ANKRD30B: variants seen among roughly 807,000 people sequenced by gnomAD.
The protein encoded by ANKRD30B is ankyrin repeat domain 30B.
ANKRD30B carries 144 observed loss-of-function variants against 202.2 expected under a neutral mutation model. That is an observed-to-expected ratio of 0.71 (90% CI 0.62 to 0.82). The LOEUF (loss-of-function observed/expected upper bound fraction) is 0.82. Among genes scored for constraint, ANKRD30B ranks in the 40% least tolerant of loss-of-function variants. ANKRD30B has a pLI of 0.00. For missense variants in ANKRD30B, 1,487 were observed against 1,669.1 expected (o/e 0.89, Z 1.90); for synonymous variants, 508 against 561.3 (o/e 0.91, Z 1.34).
At chr18:14,847,560 T>C (rs1971701278) in intron 39 of ANKRD30B, among the ~76,000 whole-genome samples, 1 of 125,366 alleles carries the variant, frequency 8.0e-6, no homozygotes, top group Non-Finnish European at 1.7e-5. Context: ...CAGTGTAGCT[T>C]TCATCTGCAG....
At chr18:14,905,855 A>G in the ANKRD30B span, 1 of 152,176 alleles carries the variant, frequency 6.6e-6, no homozygotes, top group Non-Finnish European at 1.5e-5. Context: ...TTCATCCATG[A>G]AGGGATGTCT....
chr18:14,883,357 CTCTGTCTG>C, the ANKRD30B span, among the ~76,000 whole-genome samples: 1 of 115,738 alleles, frequency 8.6e-6, no homozygotes, highest in Non-Finnish European at 1.8e-5. Context: ...CTTTCTCTCT[CTCTGTCTG>C]TCTGTCTCTC....
chr18:14,788,121 A>G (rs560405892), intron 15 of ANKRD30B, among the ~76,000 whole-genome samples: 1 of 152,312 alleles, frequency 6.6e-6, no homozygotes, highest in South Asian at 2.1e-4. Flanking sequence ...TTAACGCTAA[A>G]CAGTTCTATG....
At chr18:14,797,284 TG>T (rs1968971205) in intron 18 of ANKRD30B, among the ~76,000 whole-genome samples, 1 of 152,146 alleles carries the variant, frequency 6.6e-6, no homozygotes, top group East Asian at 1.9e-4. Flanking sequence ...TATGCCTTTC[TG>T]GGACAGGAAT....
At chr18:14,911,712 G>A in the ANKRD30B span, among the ~76,000 whole-genome samples, 1 of 152,050 alleles carries the variant, frequency 6.6e-6, no homozygotes, top group African/African-American at 2.4e-5. Flanking sequence ...GGTTGCTTTG[G>A]GCTGTATGGT....
At chr18:14,920,237 G>T in the ANKRD30B span, among the ~76,000 whole-genome samples, 10 of 152,170 alleles carry the variant, frequency 6.6e-5, no homozygotes, top group Non-Finnish European at 1.0e-4. Flanking sequence ...GTGAAGCACT[G>T]GTTCTATAGA....
At chr18:14,895,261 T>C in the ANKRD30B span, among the ~76,000 whole-genome samples, 1 of 151,358 alleles carries the variant, frequency 6.6e-6, no homozygotes, top group Non-Finnish European at 1.5e-5. Flanking sequence ...GACCTGCACA[T>C]GTACCCCCTG....
the ANKRD30B span, among the ~76,000 whole-genome samples, chr18:14,932,629 C>T: frequency 6.6e-6 from 1 of 152,226 alleles, no homozygotes; most frequent in South Asian, 2.1e-4. Context: ...TGAGCCACCG[C>T]GCCGGCCTCC....
At chr18:14,823,685 T>G (rs1181601596) in intron 32 of ANKRD30B, among the ~76,000 whole-genome samples, 2 of 152,134 alleles carry the variant, frequency 1.3e-5, no homozygotes, top group East Asian at 3.9e-4. Context: ...TAAAATATGT[T>G]ACAACAGGCT....
chr18:14,770,097 T>A (rs964548680), intron 8 of ANKRD30B, among the ~76,000 whole-genome samples: 1 of 152,160 alleles, frequency 6.6e-6, no homozygotes, highest in African/African-American at 2.4e-5. Flanking sequence ...GCAGGCATTT[T>A]TCATTTTTTT....
chr18:14,772,075 G>T, intron 8 of ANKRD30B, 81 bp from the exon 9 acceptor site: 1 of 806,974 alleles, frequency 1.2e-6, no homozygotes, highest in South Asian at 3.0e-5. Flanking sequence ...TTTATAGAGT[G>T]AGCACCAAGA....
In ANKRD30B at chr18:14,851,970, A is replaced by G; in HGVS notation, c.4026A>G (p.Ile1342Met). 6.2e-7 allele frequency: 1 copy of G among 1,601,730 alleles called. No homozygotes were observed. The highest frequency in any genetic ancestry group is 8.5e-7 in the Non-Finnish European group (1 of 1,172,960). Residue 1342 changes from isoleucine (I) to methionine (M), a missense_variant, in exon 42 of 44, where the codon ATA becomes ATG. Ile to Met is a conservative substitution (Grantham distance 10, BLOSUM62 1). This residue lies in a region of ANKRD30B where 182 missense variants were observed against 216.0 expected (regional missense o/e 0.84). Coordinates refer to ENST00000690538, the MANE Select transcript of ANKRD30B (RefSeq NM_001367607.2). ...GIMNVDVSNT[I>M]YNNEVLHQPL... ...TGAATGTTGATGTGAGTAATACAAT[A>G]TATAACAATGAGGTGCTCCATCAAC...
chr18:14,897,657 G>A, the ANKRD30B span, among the ~76,000 whole-genome samples: 2 of 151,858 alleles, frequency 1.3e-5, no homozygotes, highest in African/African-American at 4.8e-5. Flanking sequence ...AAATTTTACT[G>A]TCACTATCAA....
chr18:14,829,528 A>T (rs543985078), intron 33 of ANKRD30B, among the ~76,000 whole-genome samples: 1 of 152,194 alleles, frequency 6.6e-6, no homozygotes, highest in Non-Finnish European at 1.5e-5. Context: ...GAAGAGAAAC[A>T]ATCCCAGGAT....
chr18:14,852,055 G>T lies in ANKRD30B; in HGVS notation c.4111G>T (p.Asp1371Tyr). Residue 1371 changes from aspartate (D) to tyrosine (Y), a missense_variant, in exon 42 of 44, where the codon GAT becomes TAT. Physicochemically the swap from Asp to Tyr is radical, Grantham distance 160. Around this residue, in one of 6 missense-constraint regions of ANKRD30B, gnomAD observed 182 missense variants for 216.0 expected, o/e 0.84. Coordinates refer to ENST00000690538, the MANE Select transcript of ANKRD30B (RefSeq NM_001367607.2). ...AAAAATTAATCTCAATTATGCAGGA[G>T]ATGATCTAAGAGAAAATGCATTGGT... The part of the protein sequence containing the change: ...SPKINLNYAG[D>Y]DLRENALVSE... 6.2e-7 allele frequency: 1 copy of T among 1,608,296 alleles called. No individual in the cohort carries two copies. Among genetic ancestry groups the T allele is most frequent in the Non-Finnish European group, 8.5e-7 (1 of 1,176,640 alleles).
In ANKRD30B at chr18:14,851,582, T is replaced by C. The variant is rs751987276; in HGVS notation, c.3638T>C (p.Leu1213Pro). The change falls in exon 42 of 44, where the codon CTA (leucine) becomes CCA (proline). Residue 1213 changes from leucine to proline, a missense_variant. Physicochemically the swap from Leu to Pro is moderately conservative, Grantham distance 98. This residue lies in a region of ANKRD30B where 177 missense variants were observed against 216.4 expected (regional missense o/e 0.82). Coordinates refer to ENST00000690538, the MANE Select transcript of ANKRD30B (RefSeq NM_001367607.2). ...NCMLKKEIAM[L>P]KLEVATLKHQ... ...ATGTTGAAAAAGGAAATTGCCATGCTAAAACTGGAAGTAGCCACACTGAAA... is the reference window on the plus strand; with the variant it reads ...ATGTTGAAAAAGGAAATTGCCATGCCAAAACTGGAAGTAGCCACACTGAAA... The C allele has an allele frequency of 1.7e-5, 27 of 1,603,852 alleles. No homozygotes were observed. In the South Asian group the frequency reaches 2.9e-4, roughly 17 times the overall value.
intron 14 of ANKRD30B, 38 bp from the exon 15 acceptor site, chr18:14,787,001 A>G (rs765886176): frequency 7.0e-6 from 11 of 1,576,406 alleles, no homozygotes; most frequent in Non-Finnish European, 6.0e-6. Flanking sequence ...TAGTAGAGAA[A>G]TGTTCTCATG....
chr18:14,829,841 G>A (rs1436543719), intron 33 of ANKRD30B, among the ~76,000 whole-genome samples: 2 of 152,172 alleles, frequency 1.3e-5, no homozygotes, highest in African/African-American at 4.8e-5. Context: ...TCACAGGAGT[G>A]GCTTAGAGCC....
At chr18:14,888,834 C>G in the ANKRD30B span, 1 of 946,968 alleles carries the variant, frequency 1.1e-6, no homozygotes, top group Non-Finnish European at 1.6e-6. Flanking sequence ...TTAGCTGAGG[C>G]ATATGTGTTG....
Sources: allele counts gnomAD v4.1 joint callset (sites outside exome capture counted in the v4.1 genomes callset), GRCh38; gene constraint gnomAD v4.1.1; regional missense constraint gnomAD v4.1.1; transcripts MANE v1.5; gene names NCBI Gene and HGNC (gene_info 2026-07-23, HGNC 2026-07-21).